KANK1: variants seen among roughly 807,000 people sequenced by gnomAD.
The protein encoded by KANK1 is KN motif and ankyrin repeat domains 1, also known as KN motif and ankyrin repeat domain-containing protein 1.
KANK1 carries 109 observed loss-of-function variants against 106.2 expected under a neutral mutation model. The observed-to-expected ratio is 1.03, with a 90% confidence interval of 0.88 to 1.20. The LOEUF is 1.20. Among genes scored for constraint, KANK1 ranks in the 50% most tolerant of loss-of-function variants. The pLI is 0.00. For synonymous variants in KANK1, 873 were observed against 652.2 expected (o/e 1.34, Z -5.16); for missense variants, 2,399 against 1,710.7 (o/e 1.40, Z -7.10).
Position 628,574 on chromosome 9 carries a change from G to C in KANK1, c.-83-48316G>C, listed in dbSNP as rs116974085. On this transcript the variant is annotated intron_variant, in intron 1 of 11. Coordinates refer to ENST00000382297, the MANE Select transcript of KANK1 (RefSeq NM_015158.5). ...AGACCAAAGTTTAGATTCCCTGCTTGAGGGCACTTGAACCACAGTGGTGGT... is the reference window on the plus strand; with the variant it reads ...AGACCAAAGTTTAGATTCCCTGCTTCAGGGCACTTGAACCACAGTGGTGGT... 1.1e-3 allele frequency among the ~76,000 whole-genome samples: 169 copies of C among 152,294 alleles called. 4 individuals carry two copies. The East Asian group carries it at 0.026, about 23-fold the overall frequency.
chr9:548,730 T>C (rs1367960680), intron 1 of KANK1, among the ~76,000 whole-genome samples: 1 of 152,150 alleles, frequency 6.6e-6, no homozygotes, highest in Non-Finnish European at 1.5e-5. Context: ...TAATTAAAAT[T>C]TTTTTATCAA....
chr9:482,282 T>A (rs4742037), intron 3 of KANK1, among the ~76,000 whole-genome samples: 151 of 152,156 alleles, frequency 9.9e-4, no homozygotes, highest in Non-Finnish European at 1.8e-3. Flanking sequence ...AAGTGACGAG[T>A]GTAATCCTAA....
At chr9:547,954 GT>G (rs1266363895) in intron 1 of KANK1, among the ~76,000 whole-genome samples, 1 of 151,764 alleles carries the variant, frequency 6.6e-6, no homozygotes, top group South Asian at 2.1e-4. Flanking sequence ...TTTTTTTTAT[GT>G]TTTTTTTCTT....
At chr9:504,203 C>T (rs2058623822), upstream of KANK1, among the ~76,000 whole-genome samples, 1 of 152,284 alleles carries the variant, frequency 6.6e-6, no homozygotes, top group Non-Finnish European at 1.5e-5. Context: ...ATGGGAGCAC[C>T]GCACCGTCTC....
At chr9:588,606 A>T (rs1316126550) in intron 1 of KANK1, among the ~76,000 whole-genome samples, 2 of 152,124 alleles carry the variant, frequency 1.3e-5, no homozygotes, top group African/African-American at 2.4e-5. Context: ...GTTTGTTTTT[A>T]AAAAACATTC....
chr9:590,450 G>A (rs545407940), intron 1 of KANK1, among the ~76,000 whole-genome samples: 1 of 152,108 alleles, frequency 6.6e-6, no homozygotes, highest in African/African-American at 2.4e-5. Context: ...TGTGTCTCAA[G>A]TTATATTTTA....
intron 1 of KANK1, among the ~76,000 whole-genome samples, chr9:582,804 A>G (rs183597744): frequency 4.1e-4 from 63 of 152,370 alleles, no homozygotes; most frequent in Middle Eastern, 3.4e-3. Context: ...AAATATTTAT[A>G]CAGCACAGTG....
At chr9:707,030 C>G (rs1824427117) in intron 2 of KANK1, 2 of 985,514 alleles carry the variant, frequency 2.0e-6, no homozygotes, top group Middle Eastern at 5.2e-4. Flanking sequence ...TGCGGAACAG[C>G]TGAGTGCGGC....
Position 594,633 on chromosome 9 carries a change from A to T in KANK1, c.-83-82257A>T, listed in dbSNP as rs76940441. 1.4e-4 allele frequency among the ~76,000 whole-genome samples: 21 copies of T among 152,010 alleles called. No individual in the cohort carries two copies. In the East Asian group the frequency reaches 4.0e-3, roughly 29 times the overall value. On this transcript the variant is annotated intron_variant, in intron 1 of 11. Transcript: ENST00000382297. ...ATTTTGTAAAATGTCTTAAGATACA[A>T]TGAAATGGAGAATCCCTGAGTGTTT...
intron 1 of KANK1, among the ~76,000 whole-genome samples, chr9:637,570 A>G (rs1837446607): frequency 6.6e-6 from 1 of 152,158 alleles, no homozygotes; most frequent in Non-Finnish European, 1.5e-5. Flanking sequence ...GAAGCCTGAG[A>G]ATTTGTATTT....
At chr9:630,122 C>A (rs1219693890) in intron 1 of KANK1, among the ~76,000 whole-genome samples, 6 of 152,074 alleles carry the variant, frequency 3.9e-5, no homozygotes, top group Non-Finnish European at 8.8e-5. Flanking sequence ...GTGGCATGTG[C>A]CTATAGTCCC....
At chr9:628,726 C>T (rs1478136281) in intron 1 of KANK1, among the ~76,000 whole-genome samples, 7 of 152,094 alleles carry the variant, frequency 4.6e-5, no homozygotes, top group Non-Finnish European at 7.3e-5. Flanking sequence ...TTCTGCATGG[C>T]GGGTTTCTTT....
At chr9:603,320 GCTGA>G in intron 1 of KANK1, among the ~76,000 whole-genome samples, 1 of 151,968 alleles carries the variant, frequency 6.6e-6, no homozygotes, top group East Asian at 1.9e-4. Context: ...AACGTGGCTG[GCTGA>G]CTTTGACCCT....
At chr9:587,268 T>C (rs1823725092) in intron 1 of KANK1, among the ~76,000 whole-genome samples, 2 of 139,068 alleles carry the variant, frequency 1.4e-5, no homozygotes, top group Admixed American at 1.5e-4. Context: ...CAGACTGCTC[T>C]TGATCTACAA....
intron 1 of KANK1, among the ~76,000 whole-genome samples, chr9:515,483 C>T (rs1401716792): frequency 6.6e-6 from 1 of 151,478 alleles, no homozygotes; most frequent in Non-Finnish European, 1.5e-5. Flanking sequence ...AGATGTATTT[C>T]AAGGAATTTA....
intron 1 of KANK1, among the ~76,000 whole-genome samples, chr9:648,020 G>A (rs1389791138): frequency 4.1e-5 from 2 of 49,362 alleles, no homozygotes; most frequent in Non-Finnish European, 6.9e-5. Flanking sequence ...TTTTTTTTTT[G>A]ATACAGAGTC....
intron 1 of KANK1, among the ~76,000 whole-genome samples, chr9:649,822 C>T (rs1456658397): frequency 2.0e-5 from 3 of 152,158 alleles, no homozygotes; most frequent in Non-Finnish European, 4.4e-5. Context: ...TGTCCCCCTG[C>T]CCACATATGC....
In KANK1 at chr9:504,770, G is replaced by C. The variant is rs998370965; in HGVS notation, c.-84+16G>C. 1 of 149,544 alleles carries C rather than the reference G, an allele frequency of 6.7e-6. No individual in the cohort carries two copies. Among genetic ancestry groups the C allele is most frequent in the Non-Finnish European group, 1.5e-5 (1 of 67,376 alleles). The allele number at this position is 149,544 out of a possible 1,614,324, so 9.3% of individuals were successfully genotyped here. A position where few individuals can be genotyped will look rare whatever the true frequency, so the allele number is the denominator to read the frequency against. The stretch of plus-strand genomic sequence containing the variant: ...GCGGCCGAAGGTGAGTGACGCGGCG[G>C]GGCCGTGCCGCGCCCCGTGCCGCGG... On this transcript the variant is annotated intron_variant, in intron 1 of 11. Coordinates refer to ENST00000382297, the MANE Select transcript of KANK1 (RefSeq NM_015158.5).
chr9:528,862 T>C (rs1382858582), intron 1 of KANK1, among the ~76,000 whole-genome samples: 1 of 151,982 alleles, frequency 6.6e-6, no homozygotes, highest in Non-Finnish European at 1.5e-5. Flanking sequence ...TGCAGTCTTA[T>C]GATCACTGCT....
Sources: gnomAD v4.1 joint callset for allele counts (sites outside exome capture counted in the v4.1 genomes callset) on GRCh38, gnomAD v4.1.1 for gene constraint, MANE v1.5 for transcripts, NCBI Gene and HGNC (gene_info 2026-07-23, HGNC 2026-07-21) for gene names.